The following NR2C2 variants were observed in gnomAD, a reference collection of about 807,000 sequenced individuals.
NR2C2 encodes Nuclear hormone receptor TR4.
Under a neutral mutation model 62.9 loss-of-function variants are expected in NR2C2, and 6 were observed. That is an observed-to-expected ratio of 0.10 (90% confidence interval 0.05 to 0.19). NR2C2 has a LOEUF of 0.19. NR2C2 is among the 10% of genes least tolerant of loss of function. The pLI is 1.00. For missense variants in NR2C2, 479 were observed against 762.7 expected (o/e 0.63, Z 4.38); for synonymous variants, 272 against 273.8 (o/e 0.99, Z 0.07).
intron 1 of NR2C2, among the ~76,000 whole-genome samples, chr3:14,992,822 T>C (rs985068051): frequency 6.6e-6 from 1 of 152,192 alleles, no homozygotes; most frequent in Admixed American, 6.5e-5. Flanking sequence ...TCTAAAGATA[T>C]TTCACACCCA....
intron 1 of NR2C2, among the ~76,000 whole-genome samples, chr3:14,970,413 C>T (rs1339711485): frequency 6.6e-6 from 1 of 152,130 alleles, no homozygotes; most frequent in African/African-American, 2.4e-5. Flanking sequence ...CTGTAACCAT[C>T]ACCACCATCC....
At chr3:14,986,184 A>C (rs570407271) in intron 1 of NR2C2, among the ~76,000 whole-genome samples, 20 of 152,282 alleles carry the variant, frequency 1.3e-4, no homozygotes, top group African/African-American at 3.8e-4. Flanking sequence ...TATGCAAATA[A>C]CTTACAAAAA....
intron 2 of NR2C2, among the ~76,000 whole-genome samples, chr3:15,005,064 A>C (rs2041129252): frequency 6.6e-6 from 1 of 151,440 alleles, no homozygotes; most frequent in Admixed American, 6.6e-5. Flanking sequence ...CCCCTTTCTT[A>C]TTATGTACCA....
intron 3 of NR2C2, among the ~76,000 whole-genome samples, chr3:15,015,551 T>C (rs1020380962): frequency 1.3e-5 from 2 of 152,228 alleles, no homozygotes; most frequent in Non-Finnish European, 2.9e-5. Flanking sequence ...TTTTGAAGCC[T>C]CTGTGTGTGA....
At position 15,023,984 on chromosome 3, in the gene NR2C2, G is replaced by A. The variant is rs927930984; in HGVS notation, c.705-131G>A. The stretch of plus-strand genomic sequence containing the variant: ...TGGGGGTTCTGCTTAGTCACTAAGC[G>A]GCTGAGTCTACTTAGAGCTTTTCTA... On this transcript the variant is annotated intron_variant, in intron 6 of 13. Transcript: ENST00000425241. 11 of 668,790 alleles carry A rather than the reference G, an allele frequency of 1.6e-5. No homozygotes were observed. The Admixed American group carries it at 1.7e-4, about 11-fold the overall frequency. The allele number at this position is 668,790 out of a possible 1,614,324, so 41.4% of individuals were successfully genotyped here. A position where few individuals can be genotyped will look rare whatever the true frequency, so the allele number is the denominator to read the frequency against.
intron 1 of NR2C2, among the ~76,000 whole-genome samples, chr3:14,992,688 T>C (rs1002918179): frequency 1.3e-5 from 2 of 152,182 alleles, no homozygotes; most frequent in African/African-American, 4.8e-5. Flanking sequence ...ATTAAATTAT[T>C]TAGTGTTTAA....
chr3:15,041,883 T>A (rs774712744), intron 13 of NR2C2, among the ~76,000 whole-genome samples: 3 of 152,138 alleles, frequency 2.0e-5, no homozygotes, highest in Non-Finnish European at 4.4e-5. Flanking sequence ...AAAAGCACTG[T>A]CCAGATACCT....
At position 15,045,521 on chromosome 3, in the gene NR2C2, G is replaced by A. The variant is rs931588006; in HGVS notation, c.*2513G>A. 1 of 152,568 alleles carries A rather than the reference G, an allele frequency of 6.6e-6. No homozygotes were observed. The highest frequency in any genetic ancestry group is 2.4e-5 in the African/African-American group (1 of 41,424). 9.5% of individuals were successfully genotyped at this position (152,568 alleles called of 1,614,324 possible). A position where few individuals can be genotyped will look rare whatever the true frequency, so the allele number is the denominator to read the frequency against. ...TGTTTTGGGCTTTGAACACCTCTTG[G>A]TTGGTTTCTGAGATCCTCTTGGCCT... On this transcript the variant is annotated 3_prime_UTR_variant, in exon 14 of 14. Transcript: ENST00000425241.
At chr3:14,996,986 A>G (rs2040852113) in intron 1 of NR2C2, among the ~76,000 whole-genome samples, 1 of 152,182 alleles carries the variant, frequency 6.6e-6, no homozygotes, top group Non-Finnish European at 1.5e-5. Context: ...TAAAGTAAGG[A>G]CCTGAGCCAA....
chr3:15,035,292 A>G (rs2042077835), intron 11 of NR2C2, among the ~76,000 whole-genome samples: 1 of 152,192 alleles, frequency 6.6e-6, no homozygotes, highest in Non-Finnish European at 1.5e-5. Context: ...TCCCATCTCA[A>G]TGAATGAATG....
At chr3:15,020,649 A>T in intron 4 of NR2C2, 104 bp from the exon 5 acceptor site, 1 of 1,311,104 alleles carries the variant, frequency 7.6e-7, no homozygotes, top group South Asian at 1.3e-5. Flanking sequence ...AGTGTATGGC[A>T]CCCATCACTT....
chr3:15,014,481 T>A (rs930936462), intron 3 of NR2C2, among the ~76,000 whole-genome samples: 9 of 151,574 alleles, frequency 5.9e-5, no homozygotes, highest in Admixed American at 2.6e-4. Context: ...TTTTTTTTTT[T>A]AATTTTTGAT....
At chr3:14,962,655 C>CT (rs1228029134) in intron 1 of NR2C2, among the ~76,000 whole-genome samples, 6,291 of 123,598 alleles carry the variant, frequency 0.051, 455 homozygotes, top group African/African-American at 0.15. Flanking sequence ...TTATTTGTAA[C>CT]TTTTTTTTTT....
intron 1 of NR2C2, among the ~76,000 whole-genome samples, chr3:14,972,958 A>G (rs917017118): frequency 1.6e-4 from 25 of 151,892 alleles, no homozygotes; most frequent in African/African-American, 5.8e-4. Context: ...TGATCCGATC[A>G]CCTCCCATCA....
chr3:15,038,198 C>T, intron 12 of NR2C2, 61 bp downstream of exon 12: 6 of 1,500,776 alleles, frequency 4.0e-6, no homozygotes, highest in South Asian at 2.6e-5. Flanking sequence ...TGTTTCTGAA[C>T]GTGAACATGT....
At chr3:14,995,668 C>CGTGTGTGT (rs58878848) in intron 1 of NR2C2, among the ~76,000 whole-genome samples, 19,556 of 148,524 alleles carry the variant, frequency 0.13, 1,478 homozygotes, top group Middle Eastern at 0.21. Context: ...GTTTTCATTA[C>CGTGTGTGT]GTGTGTGTGT....
chr3:15,036,020 T>A (rs1278588731), intron 11 of NR2C2, among the ~76,000 whole-genome samples: 1 of 151,768 alleles, frequency 6.6e-6, no homozygotes, highest in Non-Finnish European at 1.5e-5. Context: ...AGAGCGAGAC[T>A]CTGTCTCCAA....
At chr3:14,996,778 G>T (rs1053516872) in intron 1 of NR2C2, among the ~76,000 whole-genome samples, 6 of 152,250 alleles carry the variant, frequency 3.9e-5, no homozygotes, top group African/African-American at 1.4e-4. Flanking sequence ...TAGCCAGGAT[G>T]GTCTCAATCT....
Position 15,038,035 on chromosome 3 carries a change from G to A in NR2C2, c.1408G>A (p.Glu470Lys). The change falls in exon 12 of 14, where the codon GAG (glutamate) becomes AAG (lysine). Residue 470 changes from glutamate (E) to lysine (K), a missense_variant. Around this residue, in one of 4 missense-constraint regions of NR2C2, gnomAD observed 162 missense variants for 296.8 expected, o/e 0.55. Coordinates refer to ENST00000425241, the MANE Select transcript of NR2C2 (RefSeq NM_001291694.2). Reference protein sequence around the residue: ...LSGDRIKQVMEHIWKLQEFCN... With the variant: ...LSGDRIKQVMKHIWKLQEFCN... ...TGGTGACCGGATAAAGCAAGTCATG[G>A]AGCACATCTGGAAGCTGCAGGAGTT... 6.2e-7 allele frequency: 1 copy of A among 1,614,066 alleles called. No individual in the cohort carries two copies. Among genetic ancestry groups the A allele is most frequent in the Non-Finnish European group, 8.5e-7 (1 of 1,179,968 alleles).
Sources: gnomAD v4.1 joint callset for allele counts (sites outside exome capture counted in the v4.1 genomes callset) on GRCh38, gnomAD v4.1.1 for gene constraint, gnomAD v4.1.1 regional missense constraint, MANE v1.5 for transcripts, NCBI Gene and HGNC (gene_info 2026-07-23, HGNC 2026-07-21) for gene names.